The following CACNB4 variants were observed in gnomAD, a reference collection of about 807,000 sequenced individuals.
CACNB4 encodes the protein calcium voltage-gated channel auxiliary subunit beta 4.
A neutral mutation model predicts 71.2 loss-of-function variants in CACNB4; 32 were observed. The ratio of observed to expected loss-of-function variants is 0.45; its 90% confidence interval spans 0.34 to 0.60. The LOEUF (loss-of-function observed/expected upper bound fraction) is 0.60, where lower values mean the gene tolerates loss of function less well. Ranked by LOEUF, CACNB4 falls within the 20% of genes least tolerant of loss-of-function variation. The probability of loss-of-function intolerance (pLI) is 0.01; values close to 1 mark genes in which losing one functional copy is unlikely to be tolerated. For missense variants in CACNB4, 464 were observed against 647.9 expected, an observed-to-expected ratio of 0.72 and a Z score of 3.08; for synonymous variants, 231 against 236.9, an observed-to-expected ratio of 0.97 and a Z score of 0.23.
intron 2 of CACNB4, among the ~76,000 whole-genome samples, chr2:152,011,581 A>C (rs1683060419): frequency 6.6e-6 from 1 of 152,210 alleles, no homozygotes; most frequent in Non-Finnish European, 1.5e-5. Context: ...TCTGTCACAA[A>C]GATGCTAAAG....
chr2:151,929,396 T>C (rs1273582798), intron 2 of CACNB4, among the ~76,000 whole-genome samples: 1 of 152,228 alleles, frequency 6.6e-6, no homozygotes, highest in East Asian at 1.9e-4. Context: ...GATATTTTTC[T>C]ATTCTACTTT....
chr2:151,998,300 G>A (rs1579098101), intron 2 of CACNB4, among the ~76,000 whole-genome samples: 1 of 135,658 alleles, frequency 7.4e-6, no homozygotes, highest in South Asian at 2.3e-4. Context: ...AATCCAGCCT[G>A]GGCAACTCCA....
chr2:151,841,316 T>C (rs1434765538), intron 13 of CACNB4, among the ~76,000 whole-genome samples: 3 of 152,184 alleles, frequency 2.0e-5, no homozygotes, highest in Non-Finnish European at 4.4e-5. Context: ...CTCATGATGG[T>C]AATTTCAACA....
chr2:152,028,138 GAGGGC>G (rs1684079910), intron 2 of CACNB4, among the ~76,000 whole-genome samples: 1 of 152,168 alleles, frequency 6.6e-6, no homozygotes, highest in South Asian at 2.1e-4. Context: ...GAAGAGCAAA[GAGGGC>G]ATGACCTACA....
intron 2 of CACNB4, among the ~76,000 whole-genome samples, chr2:152,033,262 G>A (rs921976663): frequency 6.6e-6 from 1 of 152,244 alleles, no homozygotes; most frequent in Non-Finnish European, 1.5e-5. Flanking sequence ...CTTTTGACTT[G>A]CTGAAGCAAA....
intron 2 of CACNB4, among the ~76,000 whole-genome samples, chr2:151,913,128 C>T (rs928265452): frequency 1.3e-5 from 2 of 152,124 alleles, no homozygotes; most frequent in African/African-American, 4.8e-5. Flanking sequence ...CAATTTGCCA[C>T]ACTGTGTCTT....
chr2:151,940,017 C>T (rs2099863844), intron 2 of CACNB4, among the ~76,000 whole-genome samples: 1 of 152,044 alleles, frequency 6.6e-6, no homozygotes, highest in African/African-American at 2.4e-5. Flanking sequence ...GTTTTGAAAT[C>T]AATCTAAAAA....
At chr2:151,982,833 G>A (rs2099874963) in intron 2 of CACNB4, among the ~76,000 whole-genome samples, 1 of 152,076 alleles carries the variant, frequency 6.6e-6, no homozygotes, top group Non-Finnish European at 1.5e-5. Flanking sequence ...GTCTCTTGTT[G>A]AGCGGCTCAA....
chr2:151,860,534 G>A, intron 10 of CACNB4, 177 bp downstream of exon 10: 1 of 616,522 alleles, frequency 1.6e-6, no homozygotes, highest in South Asian at 2.0e-5. Flanking sequence ...GAGACAGCAA[G>A]CTCTCGCTAC....
chr2:151,873,837 A>T (rs1238075867), intron 5 of CACNB4: 1 of 152,166 alleles, frequency 6.6e-6, no homozygotes, highest in African/African-American at 2.4e-5. Context: ...CGCAAATCTC[A>T]TGTTGAGATG....
rs367833766 is a variant in CACNB4 at position 151,991,182 on chromosome 2, A to G, written c.147+107148T>C. Among the ~76,000 whole-genome samples, 7 of 152,256 alleles carry G rather than the reference A, an allele frequency of 4.6e-5. No homozygotes were observed. The South Asian group carries it at 8.3e-4, about 18-fold the overall frequency. ...AACTCTCTTTAGAGAGAAGGCTTGG[A>G]CTCTGAACACTGGAGGTGAGCAGCT... On this transcript the variant is annotated intron_variant, in intron 2 of 13. Coordinates refer to ENST00000539935, the MANE Select transcript of CACNB4 (RefSeq NM_000726.5).
In CACNB4 at chr2:151,880,912, A is replaced by G; in HGVS notation, c.278T>C (p.Val93Ala). The G allele has an allele frequency of 6.2e-7, 1 of 1,612,862 alleles. No individual in the cohort carries two copies. Among genetic ancestry groups the G allele is most frequent in the Non-Finnish European group, 8.5e-7 (1 of 1,179,342 alleles). The part of the protein sequence containing the change: ...IQLERAKSKP[V>A]AFAVKTNVSY... ...CACATTTGTCTTCACGGCAAATGCT[A>G]CAGGTTTGGACTAGGGACAGAACCA... Residue 93 changes from valine (V) to alanine (A), a missense_variant, in exon 4 of 14, where the codon GTA (valine) becomes GCA (alanine). Physicochemically the swap from Val to Ala is moderately conservative, Grantham distance 64. Around this residue, in one of 3 missense-constraint regions of CACNB4, gnomAD observed 299 missense variants for 471.7 expected, o/e 0.63. Transcript: ENST00000539935.
At chr2:151,925,774 G>A (rs948165577) in intron 2 of CACNB4, among the ~76,000 whole-genome samples, 3 of 152,146 alleles carry the variant, frequency 2.0e-5, no homozygotes, top group Non-Finnish European at 4.4e-5. Context: ...CAACAGCAAG[G>A]TGGTGGAGAA....
At chr2:152,004,532 TACACACACAC>T (rs5835400) in intron 2 of CACNB4, among the ~76,000 whole-genome samples, 23 of 149,306 alleles carry the variant, frequency 1.5e-4, no homozygotes, top group African/African-American at 3.5e-4. Context: ...TTTACATACA[TACACACACAC>T]ACACACACAC....
At chr2:151,880,158 G>C (rs1402628926) in intron 4 of CACNB4, 1 of 152,332 alleles carries the variant, frequency 6.6e-6, no homozygotes, top group African/African-American at 2.4e-5. Context: ...AGGCCCTGAA[G>C]TGTCTGTGCC....
intron 2 of CACNB4, among the ~76,000 whole-genome samples, chr2:151,983,250 GATC>G (rs1450157377): frequency 2.6e-5 from 4 of 152,206 alleles, no homozygotes; most frequent in Admixed American, 2.6e-4. Context: ...AGCTTAAGTA[GATC>G]ATTACAAAGA....
chr2:151,874,567 G>C (rs891455201), intron 5 of CACNB4, among the ~76,000 whole-genome samples: 1 of 151,996 alleles, frequency 6.6e-6, no homozygotes, highest in Non-Finnish European at 1.5e-5. Context: ...AAAAAAGATT[G>C]GTAATTAAAA....
At chr2:151,898,871 G>A (rs2099852722) in intron 2 of CACNB4, among the ~76,000 whole-genome samples, 1 of 152,204 alleles carries the variant, frequency 6.6e-6, no homozygotes, top group Non-Finnish European at 1.5e-5. Flanking sequence ...TGGGCATAGA[G>A]TGAAATCCAA....
chr2:151,905,945 T>C (rs2099854703), intron 2 of CACNB4, among the ~76,000 whole-genome samples: 1 of 152,236 alleles, frequency 6.6e-6, no homozygotes, highest in African/African-American at 2.4e-5. Flanking sequence ...TACCTTTAAG[T>C]AAAAAGAGTG....
Sources: gnomAD v4.1 joint callset for allele counts (sites outside exome capture counted in the v4.1 genomes callset) on GRCh38, gnomAD v4.1.1 for gene constraint, gnomAD v4.1.1 regional missense constraint, MANE v1.5 for transcripts, NCBI Gene and HGNC (gene_info 2026-07-23, HGNC 2026-07-21) for gene names.